Variants in VKORC1L1 observed in about 807,000 individuals in gnomAD.
The protein encoded by VKORC1L1 is vitamin K epoxide reductase complex subunit 1-like protein 1.
VKORC1L1 carries 2 observed loss-of-function variants against 18.9 expected under a neutral mutation model. That is an observed-to-expected ratio of 0.11 (90% CI 0.04 to 0.33). The LOEUF (loss-of-function observed/expected upper bound fraction) is 0.33. VKORC1L1 is among the 10% of genes least tolerant of loss of function. The pLI is 1.00. For synonymous variants in VKORC1L1, 96 were observed against 100.0 expected (o/e 0.96, Z 0.24); for missense variants, 123 against 224.1 (o/e 0.55, Z 2.88).
At chr7:65,926,374 T>TTGA in intron 1 of VKORC1L1, among the ~76,000 whole-genome samples, 1 of 152,090 alleles carries the variant, frequency 6.6e-6, no homozygotes, top group East Asian at 1.9e-4. Flanking sequence ...CAGGCTGGTC[T>TTGA]TGAACTCCTG....
chr7:65,881,970 C>T (rs1298810796), intron 1 of VKORC1L1, among the ~76,000 whole-genome samples: 2 of 151,716 alleles, frequency 1.3e-5, no homozygotes, highest in East Asian at 1.9e-4. Flanking sequence ...GTCTGAGCTA[C>T]CTGGGAGGCT....
At chr7:65,898,075 AG>A (rs1789245349) in intron 1 of VKORC1L1, among the ~76,000 whole-genome samples, 1 of 117,924 alleles carries the variant, frequency 8.5e-6, no homozygotes, top group African/African-American at 3.0e-5. Flanking sequence ...AATTTGTAGC[AG>A]GTTTTTTTTT....
chr7:65,927,968 G>A (rs951012390), intron 1 of VKORC1L1, among the ~76,000 whole-genome samples: 3 of 152,138 alleles, frequency 2.0e-5, no homozygotes, highest in African/African-American at 7.2e-5. Flanking sequence ...GGAGGGAGCG[G>A]TGTTGGCTCA....
chr7:65,938,052 A>G (rs1478347108), intron 1 of VKORC1L1, among the ~76,000 whole-genome samples: 1 of 152,052 alleles, frequency 6.6e-6, no homozygotes, highest in Non-Finnish European at 1.5e-5. Flanking sequence ...TACTGAAAAT[A>G]TAAAAATTAG....
chr7:65,920,730 A>G (rs929593926), intron 1 of VKORC1L1, among the ~76,000 whole-genome samples: 1 of 151,744 alleles, frequency 6.6e-6, no homozygotes, highest in African/African-American at 2.4e-5. Flanking sequence ...GCACGGTGGT[A>G]TGCGCCTGCA....
At chr7:65,953,115 T>C (rs1464882146) in intron 2 of VKORC1L1, among the ~76,000 whole-genome samples, 1 of 152,140 alleles carries the variant, frequency 6.6e-6, no homozygotes, top group Non-Finnish European at 1.5e-5. Flanking sequence ...CTTTTTGTAT[T>C]GAGAGCCTGG....
chr7:65,889,954 C>CT (rs71526511), intron 1 of VKORC1L1, among the ~76,000 whole-genome samples: 5 of 151,300 alleles, frequency 3.3e-5, no homozygotes, highest in Admixed American at 6.6e-5. Context: ...CATTCTCTCT[C>CT]TTTTTTTGTT....
chr7:65,868,400 C>T (rs1194357973), upstream of VKORC1L1, among the ~76,000 whole-genome samples: 1 of 152,162 alleles, frequency 6.6e-6, no homozygotes, highest in African/African-American at 2.4e-5. Flanking sequence ...ACAACCATTA[C>T]AGAAAACAGT....
chr7:65,920,684 T>G (rs906744774), intron 1 of VKORC1L1, among the ~76,000 whole-genome samples: 5 of 152,050 alleles, frequency 3.3e-5, no homozygotes, highest in Non-Finnish European at 7.4e-5. Flanking sequence ...TTTCCTACAC[T>G]GTTTTTCTCT....
chr7:65,892,749 C>G (rs1384572526), intron 1 of VKORC1L1, among the ~76,000 whole-genome samples: 1 of 152,164 alleles, frequency 6.6e-6, no homozygotes, highest in East Asian at 1.9e-4. Flanking sequence ...GCCATCTCCT[C>G]CTGCTTTGTA....
In VKORC1L1 at chr7:65,873,149, C is replaced by T. The variant is rs1193145827; in HGVS notation, c.-223C>T. 1 of 437,842 alleles carries T rather than the reference C, an allele frequency of 2.3e-6. No individual in the cohort carries two copies. Among genetic ancestry groups the T allele is most frequent in the South Asian group, 8.9e-5 (1 of 11,270 alleles). The allele number at this position is 437,842 out of a possible 1,614,324, so 27.1% of individuals were successfully genotyped here. ...TCCCTCCGCGCCCGCGCGCGCCTTC[C>T]CCGCCCCGTCCGCCTCACTCCTTTT... On this transcript the variant is annotated 5_prime_UTR_variant, in exon 1 of 3. Transcript: ENST00000360768.
At chr7:65,923,531 G>A (rs1367374033) in intron 1 of VKORC1L1, among the ~76,000 whole-genome samples, 3 of 152,196 alleles carry the variant, frequency 2.0e-5, no homozygotes, top group Non-Finnish European at 4.4e-5. Context: ...TTGGCAGGTG[G>A]CAACAGAGAG....
In VKORC1L1 at chr7:65,954,159, T is replaced by C; in HGVS notation, c.390T>C (p.Ile130=). 2 of 1,614,096 alleles carry C rather than the reference T, an allele frequency of 1.2e-6. No individual in the cohort carries two copies. Among genetic ancestry groups the C allele is most frequent in the Non-Finnish European group, 1.7e-6 (2 of 1,179,954 alleles). ...TGGGGTCCCTGTACCTGGCCTACAT[T>C]CTGTACTTTGTGCTGAAGGAGTTCT... is the stretch of plus-strand genomic sequence containing the variant. The part of the protein sequence containing the change: ...SVVGSLYLAY[I]LYFVLKEFCI... The change falls in exon 3 of 3, where the codon ATT becomes ATC. Residue 130 remains isoleucine, a synonymous_variant. Coordinates refer to ENST00000360768, the MANE Select transcript of VKORC1L1 (RefSeq NM_173517.6).
rs966644142 is a variant in VKORC1L1, at chr7:65,958,996, C to T, written c.*4696C>T. On this transcript the variant is annotated 3_prime_UTR_variant, in exon 3 of 3. Coordinates refer to ENST00000360768, the MANE Select transcript of VKORC1L1 (RefSeq NM_173517.6). ...AACAAGTGTGTTCTGTGCTGGAGCT[C>T]AAGACCTGTGGAAAGGGACTGCCCC... is the stretch of plus-strand genomic sequence containing the variant. The T allele has an allele frequency of 1.3e-5, 2 of 152,220 alleles. No homozygotes were observed. Among genetic ancestry groups the T allele is most frequent in the Non-Finnish European group, 2.9e-5 (2 of 68,046 alleles). 9.4% of individuals were successfully genotyped at this position (152,220 alleles called of 1,614,324 possible).
chr7:65,894,280 C>T (rs993387979), intron 1 of VKORC1L1, among the ~76,000 whole-genome samples: 2 of 151,818 alleles, frequency 1.3e-5, no homozygotes, highest in African/African-American at 2.4e-5. Context: ...TAATCTACAC[C>T]TGCTGTAATG....
chr7:65,871,227 T>C (rs866404225), upstream of VKORC1L1, among the ~76,000 whole-genome samples: 8 of 151,044 alleles, frequency 5.3e-5, no homozygotes, highest in Middle Eastern at 3.5e-3. Flanking sequence ...ATGGAGTTTT[T>C]CCTTGTAAGC....
chr7:65,919,763 T>A (rs1270020848), intron 1 of VKORC1L1, among the ~76,000 whole-genome samples: 1 of 152,082 alleles, frequency 6.6e-6, no homozygotes, highest in East Asian at 1.9e-4. Context: ...TTTAAAAATA[T>A]AAACAGTGGC....
At chr7:65,899,965 A>G (rs1276502720) in intron 1 of VKORC1L1, among the ~76,000 whole-genome samples, 1 of 151,106 alleles carries the variant, frequency 6.6e-6, no homozygotes, top group Non-Finnish European at 1.5e-5. Context: ...ACGCCATTGC[A>G]CTCCAGCCAG....
At chr7:65,892,983 T>TCC (rs1343821507) in intron 1 of VKORC1L1, among the ~76,000 whole-genome samples, 1 of 152,212 alleles carries the variant, frequency 6.6e-6, no homozygotes, top group Non-Finnish European at 1.5e-5. Context: ...ACACTCATTC[T>TCC]CCCACAAGTG....
Sources: gnomAD v4.1 joint callset for allele counts (sites outside exome capture counted in the v4.1 genomes callset) on GRCh38, gnomAD v4.1.1 for gene constraint, MANE v1.5 for transcripts, NCBI Gene and HGNC (gene_info 2026-07-23, HGNC 2026-07-21) for gene names.